Variants in DNAH14 observed in about 807,000 individuals in gnomAD.
DNAH14 encodes the protein axonemal beta dynein heavy chain 14.
In DNAH14, 478 loss-of-function variants were observed where a neutral mutation model predicts 520.9. That is an observed-to-expected ratio of 0.92 (90% CI 0.85 to 0.99). The LOEUF (loss-of-function observed/expected upper bound fraction) is 0.99, where lower values mean the gene tolerates loss of function less well. Ranked by LOEUF, DNAH14 falls within the 50% of genes least tolerant of loss-of-function variation. The probability of loss-of-function intolerance (pLI) is 0.00; values close to 1 mark genes in which losing one functional copy is unlikely to be tolerated. For missense variants in DNAH14, 4,831 were observed against 5,234.5 expected (o/e 0.92, Z 2.38); for synonymous variants, 1,581 against 1,757.2 (o/e 0.90, Z 2.51).
At chr1:225,005,654 C>CT (rs1342339776) in intron 9 of DNAH14, among the ~76,000 whole-genome samples, 1 of 151,918 alleles carries the variant, frequency 6.6e-6, no homozygotes, top group African/African-American at 2.4e-5. Flanking sequence ...ACTTTTCAAT[C>CT]TTTTTTGTTG....
At chr1:225,086,627 CAGTT>C (rs2073838850) in intron 21 of DNAH14, among the ~76,000 whole-genome samples, 1 of 151,424 alleles carries the variant, frequency 6.6e-6, no homozygotes, top group African/African-American at 2.4e-5. Context: ...GGGAAAATGT[CAGTT>C]AATTGAAATT....
chr1:225,047,884 G>T (rs2501101), intron 15 of DNAH14, among the ~76,000 whole-genome samples: 112,377 of 152,106 alleles, frequency 0.74, 44,389 homozygotes, highest in Non-Finnish European at 0.88. Context: ...GTCACAATCT[G>T]CATTCCAACT....
intron 36 of DNAH14, among the ~76,000 whole-genome samples, chr1:225,183,087 G>A (rs1212910396): frequency 6.6e-6 from 1 of 152,180 alleles, no homozygotes; most frequent in Non-Finnish European, 1.5e-5. Flanking sequence ...AGGAAAGTAT[G>A]CAGGGGACTT....
chr1:225,159,372 A>C lies in DNAH14; in HGVS notation c.5332A>C (p.Arg1778=). The change falls in exon 35 of 86, where the codon AGA becomes CGA. Residue 1778 remains arginine (R), a synonymous_variant. Transcript: ENST00000682510. ...AACCTTGATTGTTATCGAGGCTATA[A>C]GAGAAGCTAGTTTGCCAAAATGTCC... ...DETLIVIEAI[R]EASLPKCPPE... 6.4e-7 allele frequency: 1 copy of C among 1,551,746 alleles called. No individual in the cohort carries two copies. The highest frequency in any genetic ancestry group is 8.7e-7 in the Non-Finnish European group (1 of 1,146,918).
intron 12 of DNAH14, among the ~76,000 whole-genome samples, chr1:225,040,816 C>T (rs1283703201): frequency 6.6e-6 from 1 of 152,096 alleles, no homozygotes; most frequent in Non-Finnish European, 1.5e-5. Flanking sequence ...ATGCTTGTAC[C>T]AATTTCAATG....
At chr1:225,004,256 A>G (rs1412908217) in intron 9 of DNAH14, among the ~76,000 whole-genome samples, 4 of 152,192 alleles carry the variant, frequency 2.6e-5, no homozygotes, top group Admixed American at 2.0e-4. Context: ...AATTCTAGAG[A>G]TAGTTTCTTT....
chr1:225,021,877 A>G (rs1448327577), intron 10 of DNAH14, among the ~76,000 whole-genome samples: 1 of 152,240 alleles, frequency 6.6e-6, no homozygotes, highest in African/African-American at 2.4e-5. Context: ...ACCCGACTTC[A>G]AACTATACAA....
intron 48 of DNAH14, 57 bp from the exon 49 acceptor site, chr1:225,266,584 A>G: frequency 1.6e-6 from 2 of 1,285,470 alleles, no homozygotes; most frequent in East Asian, 3.0e-5. Context: ...TTCCTAATTC[A>G]TAATTTAAAG....
At chr1:225,095,753 A>T (rs926754984) in intron 21 of DNAH14, among the ~76,000 whole-genome samples, 4 of 152,328 alleles carry the variant, frequency 2.6e-5, no homozygotes, top group Non-Finnish European at 5.9e-5. Context: ...TACATGTTGT[A>T]TGATTCTGTT....
intron 20 of DNAH14, among the ~76,000 whole-genome samples, chr1:225,083,744 G>A (rs1209626543): frequency 6.6e-6 from 1 of 152,038 alleles, no homozygotes; most frequent in Non-Finnish European, 1.5e-5. Context: ...TGATATACAT[G>A]CCCAACTGAT....
chr1:225,308,107 C>T (rs1382275341), intron 59 of DNAH14, among the ~76,000 whole-genome samples, 178 bp from the exon 60 acceptor site: 3 of 152,172 alleles, frequency 2.0e-5, no homozygotes, highest in Admixed American at 6.6e-5. Context: ...GGTGAGAGCT[C>T]TTGCTCTCTC....
At chr1:225,300,006 A>C (rs959651260) in intron 55 of DNAH14, among the ~76,000 whole-genome samples, 2 of 152,188 alleles carry the variant, frequency 1.3e-5, no homozygotes, top group African/African-American at 4.8e-5. Context: ...TTTTTTTAAA[A>C]AGAAATCTTG....
chr1:224,945,438 A>C (rs1277232109), intron 1 of DNAH14, among the ~76,000 whole-genome samples: 2 of 151,704 alleles, frequency 1.3e-5, no homozygotes, highest in Non-Finnish European at 2.9e-5. Context: ...ATGGGTTTGA[A>C]CTTGCTCTTT....
intron 27 of DNAH14, among the ~76,000 whole-genome samples, chr1:225,138,791 C>A (rs1012083812): frequency 2.0e-5 from 3 of 152,128 alleles, no homozygotes; most frequent in African/African-American, 7.2e-5. Flanking sequence ...GTTGTCCCCC[C>A]TCCCCAACCC....
intron 55 of DNAH14, among the ~76,000 whole-genome samples, chr1:225,294,476 C>T (rs1407975051): frequency 1.3e-5 from 2 of 152,122 alleles, no homozygotes; most frequent in African/African-American, 4.8e-5. Context: ...ATAATTTCCT[C>T]TTTAATATTC....
At position 225,140,760 on chromosome 1, in the gene DNAH14, T is replaced by A; in HGVS notation, c.4255-8T>A. On this transcript the variant is annotated splice_region_variant and splice_polypyrimidine_tract_variant and intron_variant, in intron 27 of 85. Coordinates refer to ENST00000682510, the MANE Select transcript of DNAH14 (RefSeq NM_001367479.1). ...AGATATATATATAACATTATCTTAC[T>A]TTTTCAGAGCCAGATCATGTTTTAT... 2 of 1,507,982 alleles carry A rather than the reference T, an allele frequency of 1.3e-6. No homozygotes were observed. The highest frequency in any genetic ancestry group is 2.4e-5 in the South Asian group (2 of 82,752). The allele number at this position is 1,507,982 out of a possible 1,614,324, so 93.4% of individuals were successfully genotyped here.
At chr1:225,128,198 T>C (rs1559044146) in intron 27 of DNAH14, among the ~76,000 whole-genome samples, 3 of 152,128 alleles carry the variant, frequency 2.0e-5, no homozygotes. Flanking sequence ...GAGTTGCTTT[T>C]CTTGAGGAGT....
rs537313745 is a variant in DNAH14 at position 225,343,727 on chromosome 1, C to T, written c.10679-2235C>T. ...TACCTAATAAACTGTTTCTTTATAA[C>T]ACATGAATAAATTGTGTTTCTAGTA... On this transcript the variant is annotated intron_variant, in intron 69 of 85. Transcript: ENST00000682510. Among the ~76,000 whole-genome samples the T allele has an allele frequency of 1.7e-4, 26 of 152,226 alleles. No homozygotes were observed. The East Asian group carries it at 1.7e-3, about 10-fold the overall frequency.
At chr1:225,080,856 C>A in intron 19 of DNAH14, 108 bp downstream of exon 19, 2 of 1,183,010 alleles carry the variant, frequency 1.7e-6, no homozygotes, top group Non-Finnish European at 2.3e-6. Flanking sequence ...CTCAGGTTGA[C>A]CATTATGGCT....
Sources: allele counts gnomAD v4.1 joint callset (sites outside exome capture counted in the v4.1 genomes callset), GRCh38; gene constraint gnomAD v4.1.1; transcripts MANE v1.5; gene names NCBI Gene and HGNC (gene_info 2026-07-23, HGNC 2026-07-21).